Variants in GMDS observed in about 807,000 individuals in gnomAD.
The protein encoded by GMDS is GDP-mannose 4,6 dehydratase.
In GMDS, 20 loss-of-function variants were observed where a neutral mutation model predicts 49.9. The ratio of observed to expected loss-of-function variants is 0.40; its 90% CI spans 0.28 to 0.58. GMDS has a LOEUF of 0.58. Among genes scored for constraint, GMDS ranks in the 20% least tolerant of loss-of-function variants. The pLI is 0.42. For missense variants in GMDS, 362 were observed against 481.4 expected (o/e 0.75, Z 2.32); for synonymous variants, 177 against 178.6 (o/e 0.99, Z 0.07).
chr6:1,854,569 A>G (rs565593152), intron 7 of GMDS, among the ~76,000 whole-genome samples: 1 of 152,334 alleles, frequency 6.6e-6, no homozygotes, highest in South Asian at 2.1e-4. Context: ...GGGTGCTTCT[A>G]GCAGGCAGAG....
At chr6:1,644,360 C>A (rs1581403146) in intron 9 of GMDS, among the ~76,000 whole-genome samples, 1 of 152,302 alleles carries the variant, frequency 6.6e-6, no homozygotes, top group Admixed American at 6.5e-5. Flanking sequence ...TCAACACAGC[C>A]AGAGCCTTCC....
chr6:2,163,072 G>C (rs1338512808), intron 1 of GMDS, among the ~76,000 whole-genome samples: 1 of 152,194 alleles, frequency 6.6e-6, no homozygotes, highest in Non-Finnish European at 1.5e-5. Flanking sequence ...CTGTCGTAAG[G>C]AAAGTCTGGA....
intron 1 of GMDS, among the ~76,000 whole-genome samples, chr6:2,242,797 T>C (rs1005316688): frequency 2.0e-5 from 3 of 152,188 alleles, no homozygotes; most frequent in Non-Finnish European, 4.4e-5. Flanking sequence ...TTATTATACC[T>C]GTCTCTTAGG....
At chr6:1,704,341 C>A (rs1765647238) in intron 9 of GMDS, among the ~76,000 whole-genome samples, 1 of 151,608 alleles carries the variant, frequency 6.6e-6, no homozygotes, top group Admixed American at 6.6e-5. Context: ...CACAGGAAAC[C>A]AGGTTCTGGG....
chr6:1,994,248 G>C (rs1321414014), intron 4 of GMDS, among the ~76,000 whole-genome samples: 1 of 152,028 alleles, frequency 6.6e-6, no homozygotes, highest in Non-Finnish European at 1.5e-5. Context: ...AAAACACACA[G>C]ACACAAACCC....
At chr6:1,800,745 A>C (rs1252586475) in intron 7 of GMDS, among the ~76,000 whole-genome samples, 1 of 151,172 alleles carries the variant, frequency 6.6e-6, no homozygotes, top group Non-Finnish European at 1.5e-5. Flanking sequence ...TTAGACATCT[A>C]TTTCTTCAGA....
chr6:2,071,495 T>C (rs1232338209), intron 4 of GMDS, among the ~76,000 whole-genome samples: 1 of 151,898 alleles, frequency 6.6e-6, no homozygotes, highest in Non-Finnish European at 1.5e-5. Context: ...CATTTGTATA[T>C]CCCACATGGC....
intron 7 of GMDS, among the ~76,000 whole-genome samples, chr6:1,777,521 G>C (rs1338006702): frequency 1.3e-5 from 2 of 152,152 alleles, no homozygotes; most frequent in African/African-American, 2.4e-5. Context: ...GCTCCATCTG[G>C]AGACTCCATT....
intron 9 of GMDS, among the ~76,000 whole-genome samples, chr6:1,648,062 C>T (rs1279384799): frequency 1.3e-5 from 2 of 152,096 alleles, no homozygotes; most frequent in Admixed American, 6.5e-5. Flanking sequence ...GAGCCCATAC[C>T]TATTTGCCTA....
intron 7 of GMDS, among the ~76,000 whole-genome samples, chr6:1,779,019 C>T (rs1768963804): frequency 6.6e-6 from 1 of 152,086 alleles, no homozygotes; most frequent in East Asian, 1.9e-4. Flanking sequence ...CCAGTCCTGG[C>T]TGGGGTGGGA....
At chr6:1,969,290 A>AAAGG (rs1764463109) in intron 4 of GMDS, among the ~76,000 whole-genome samples, 1 of 58,632 alleles carries the variant, frequency 1.7e-5, no homozygotes, top group African/African-American at 5.5e-5. Flanking sequence ...AAAAAAAAAA[A>AAAGG]GAGAAAGAAA....
intron 7 of GMDS, among the ~76,000 whole-genome samples, chr6:1,916,243 C>T (rs954675802): frequency 6.6e-6 from 1 of 152,054 alleles, no homozygotes; most frequent in East Asian, 1.9e-4. Context: ...AGCACGCCCA[C>T]AGTGACCAGC....
At chr6:2,153,668 C>CA (rs569345534) in intron 1 of GMDS, among the ~76,000 whole-genome samples, 3 of 151,722 alleles carry the variant, frequency 2.0e-5, no homozygotes, top group African/African-American at 2.4e-5. Flanking sequence ...ATTGAACTGA[C>CA]AAAAAAAAGT....
chr6:2,077,050 C>T (rs1351131419), intron 4 of GMDS, among the ~76,000 whole-genome samples: 2 of 151,920 alleles, frequency 1.3e-5, no homozygotes, highest in Admixed American at 6.6e-5. Context: ...TTTTTAATAG[C>T]TAGTGTAAAT....
intron 1 of GMDS, among the ~76,000 whole-genome samples, chr6:2,169,613 C>T (rs867196843): frequency 7.2e-6 from 1 of 138,832 alleles, no homozygotes; most frequent in Middle Eastern, 3.6e-3. Flanking sequence ...TTTAAAGCCA[C>T]CAGGCAGCAA....
chr6:1,716,847 T>C (rs1766195201), intron 9 of GMDS, among the ~76,000 whole-genome samples: 1 of 152,206 alleles, frequency 6.6e-6, no homozygotes, highest in African/African-American at 2.4e-5. Context: ...AAACTCCCCT[T>C]TATTAGGAAG....
chr6:1,970,325 T>C (rs1036401476), intron 4 of GMDS, among the ~76,000 whole-genome samples: 1 of 152,210 alleles, frequency 6.6e-6, no homozygotes, highest in Non-Finnish European at 1.5e-5. Context: ...AATAAAACCT[T>C]ACGTTCCATC....
chr6:2,242,497 T>C (rs1189664302), intron 1 of GMDS, among the ~76,000 whole-genome samples: 4 of 152,208 alleles, frequency 2.6e-5, no homozygotes, highest in African/African-American at 7.2e-5. Flanking sequence ...ACCCTGGCTG[T>C]CCGCACTATT....
chr6:2,019,826 G>C (rs1207453128), intron 4 of GMDS, among the ~76,000 whole-genome samples: 1 of 152,052 alleles, frequency 6.6e-6, no homozygotes, highest in African/African-American at 2.4e-5. Flanking sequence ...AAATTTTTCA[G>C]CATCTACTAA....
Sources: allele counts gnomAD v4.1 joint callset (sites outside exome capture counted in the v4.1 genomes callset), GRCh38; gene constraint gnomAD v4.1.1; transcripts MANE v1.5; gene names NCBI Gene and HGNC (gene_info 2026-07-23, HGNC 2026-07-21).